Variants in CNN3 observed in about 807,000 individuals in gnomAD.
CNN3 encodes the protein calponin 3, also known as calponin-3.
Under a neutral mutation model 39.0 loss-of-function variants are expected in CNN3, and 11 were observed. The ratio of observed to expected loss-of-function variants is 0.28; its 90% confidence interval spans 0.18 to 0.47. The LOEUF is 0.47. Ranked by LOEUF, CNN3 falls within the 20% of genes least tolerant of loss-of-function variation. CNN3 has a pLI of 0.99. For synonymous variants in CNN3, 101 were observed against 138.3 expected (o/e 0.73, Z 1.89); for missense variants, 266 against 403.4 (o/e 0.66, Z 2.92).
At chr1:94,921,391 T>C (rs959081306) in intron 1 of CNN3, among the ~76,000 whole-genome samples, 2 of 151,916 alleles carry the variant, frequency 1.3e-5, no homozygotes, top group African/African-American at 4.8e-5. Flanking sequence ...GGAGACTCCA[T>C]CTCAAAAAAA....
rs536432434 is a variant in CNN3 at position 94,916,278 on chromosome 1, C to T, written c.57+10560G>A. On this transcript the variant is annotated intron_variant, in intron 1 of 6. Coordinates refer to ENST00000370206, the MANE Select transcript of CNN3 (RefSeq NM_001839.5). ...AAAATTAGCCAGGCATGGTGGTGCA[C>T]ACCTGTAGTCCCAGCTACTCGGGAG... is the stretch of plus-strand genomic sequence containing the variant. 2.0e-5 allele frequency among the ~76,000 whole-genome samples: 3 copies of T among 152,170 alleles called. No homozygotes were observed. In the East Asian group the frequency reaches 5.8e-4, roughly 29 times the overall value.
chr1:94,910,035 G>A (rs1235140654), intron 1 of CNN3, among the ~76,000 whole-genome samples: 1 of 152,122 alleles, frequency 6.6e-6, no homozygotes, highest in Non-Finnish European at 1.5e-5. Flanking sequence ...CACAGAGCTT[G>A]TTCAAACCTG....
chr1:94,915,281 C>A (rs979798700), intron 1 of CNN3, among the ~76,000 whole-genome samples: 2 of 152,162 alleles, frequency 1.3e-5, no homozygotes, highest in African/African-American at 4.8e-5. Flanking sequence ...CCAAATCCTA[C>A]ACAAATGCCA....
chr1:94,916,701 G>A (rs1671285135), intron 1 of CNN3, among the ~76,000 whole-genome samples: 1 of 152,148 alleles, frequency 6.6e-6, no homozygotes, highest in African/African-American at 2.4e-5. Flanking sequence ...CAAGGGCTCT[G>A]GAAACTGAAT....
chr1:94,923,007 C>T (rs909337175), intron 1 of CNN3, among the ~76,000 whole-genome samples: 2 of 152,058 alleles, frequency 1.3e-5, no homozygotes, highest in Admixed American at 6.6e-5. Flanking sequence ...AAAAACATAC[C>T]GAGGTAAGAT....
In CNN3 at chr1:94,903,467, C is replaced by T; in HGVS notation, c.115G>A (p.Val39Met). Residue 39 changes from valine to methionine, a missense_variant, in exon 2 of 7, where the codon GTG (valine) becomes ATG (methionine). Physicochemically the swap from Val to Met is conservative, Grantham distance 21. Coordinates refer to ENST00000370206, the MANE Select transcript of CNN3 (RefSeq NM_001839.5). The part of the protein sequence containing the change: ...EEDLRNWIEE[V>M]TGMSIGPNFQ... The stretch of plus-strand genomic sequence containing the variant: ...TTGGGGCCAATGCTCATGCCTGTCA[C>T]CTCTTCTATCCAATTGCGAAGATCT... The T allele has an allele frequency of 6.2e-7, 1 of 1,613,372 alleles. No homozygotes were observed. The highest frequency in any genetic ancestry group is 8.5e-7 in the Non-Finnish European group (1 of 1,179,718).
intron 1 of CNN3, among the ~76,000 whole-genome samples, chr1:94,909,143 T>C (rs4847367): frequency 0.24 from 36,266 of 152,058 alleles, 4,569 homozygotes; most frequent in Middle Eastern, 0.26. Flanking sequence ...TGAGACTCTG[T>C]CTTTAAAACA....
chr1:94,901,692 C>T lies in CNN3; in HGVS notation c.478G>A (p.Gly160Ser). 1 of 1,613,744 alleles carries T rather than the reference C, an allele frequency of 6.2e-7. No individual in the cohort carries two copies. The part of the protein sequence containing the change: ...RRFDEGKLKA[G>S]QSVIGLQMGT... The stretch of plus-strand genomic sequence containing the variant: ...ACCTGCAGACCAATTACACTTTGGC[C>T]AGCTTTTAATTTTCCTTCATCAAAA... The change falls in exon 5 of 7, where the codon GGC (glycine) becomes AGC (serine). Residue 160 changes from glycine to serine, a missense_variant. Transcript: ENST00000370206.
chr1:94,901,297 T>G (rs892507278), intron 5 of CNN3, among the ~76,000 whole-genome samples: 6 of 149,646 alleles, frequency 4.0e-5, no homozygotes, highest in Admixed American at 6.7e-5. Flanking sequence ...GAGGTTACAG[T>G]GAGCCGAGAT....
intron 1 of CNN3, among the ~76,000 whole-genome samples, chr1:94,921,402 T>TA (rs1671439754): frequency 6.6e-6 from 1 of 151,766 alleles, no homozygotes; most frequent in Non-Finnish European, 1.5e-5. Context: ...CTCAAAAAAA[T>TA]AAAAAAGAGA....
At chr1:94,899,266 G>T (rs532334319) in intron 6 of CNN3, 105 bp downstream of exon 6, 2 of 1,206,888 alleles carry the variant, frequency 1.7e-6, no homozygotes, top group South Asian at 1.9e-5. Flanking sequence ...ATTCCTGAAG[G>T]AATATACTCT....
chr1:94,922,522 A>AT (rs2101742890), intron 1 of CNN3, among the ~76,000 whole-genome samples: 1 of 152,374 alleles, frequency 6.6e-6, no homozygotes, highest in African/African-American at 2.4e-5. Context: ...GAGACAGATA[A>AT]TAAGCAAACA....
At chr1:94,918,948 A>T (rs1671364120) in intron 1 of CNN3, among the ~76,000 whole-genome samples, 1 of 151,976 alleles carries the variant, frequency 6.6e-6, no homozygotes, top group African/African-American at 2.4e-5. Flanking sequence ...GACTAAAAAC[A>T]CTTTAACTCT....
intron 1 of CNN3, among the ~76,000 whole-genome samples, chr1:94,912,491 G>A (rs944209833): frequency 6.6e-6 from 1 of 152,138 alleles, no homozygotes; most frequent in African/African-American, 2.4e-5. Flanking sequence ...CTCTTGGGGA[G>A]AGAGTGTGCA....
chr1:94,919,091 G>A (rs947708413), intron 1 of CNN3, among the ~76,000 whole-genome samples: 5 of 152,144 alleles, frequency 3.3e-5, no homozygotes, highest in East Asian at 1.9e-4. Flanking sequence ...AATAAACCTT[G>A]AAATGAAAAT....
At chr1:94,925,760 G>A in intron 1 of CNN3, 1 of 985,444 alleles carries the variant, frequency 1.0e-6, no homozygotes, top group South Asian at 4.7e-5. Context: ...TGGGCTCCCG[G>A]GAGGTTAATG....
chr1:94,906,521 A>C (rs950768330), intron 1 of CNN3, among the ~76,000 whole-genome samples: 10 of 152,188 alleles, frequency 6.6e-5, no homozygotes, highest in Non-Finnish European at 1.2e-4. Flanking sequence ...TATTTTGATC[A>C]ATCTGAAGAA....
In CNN3 at chr1:94,898,019, A is replaced by G. The variant is rs1457371618; in HGVS notation, c.713T>C (p.Val238Ala). The change falls in exon 7 of 7, where the codon GTG becomes GCG. Residue 238 changes from valine to alanine, a missense_variant. By Grantham distance (64) the Val-to-Ala change is moderately conservative. Transcript: ENST00000370206. ...IYDQKLTLQPVDNSTISLQMG... is the reference protein window; with the variant it reads ...IYDQKLTLQPADNSTISLQMG... Reference sequence around the variant, plus strand: ...CTGTAGGGAAATTGTCGAGTTGTCCACCGGCTGTAATGTTAGCTTCTGATC... The same window carrying G: ...CTGTAGGGAAATTGTCGAGTTGTCCGCCGGCTGTAATGTTAGCTTCTGATC... The G allele has an allele frequency of 1.2e-6, 2 of 1,613,930 alleles. No homozygotes were observed. The highest frequency in any genetic ancestry group is 1.7e-6 in the Non-Finnish European group (2 of 1,179,980).
At position 94,927,106 on chromosome 1, in the gene CNN3, C is replaced by G. The variant is rs965564745; in HGVS notation, c.-212G>C. On this transcript the variant is annotated 5_prime_UTR_variant, in exon 1 of 7. Coordinates refer to ENST00000370206, the MANE Select transcript of CNN3 (RefSeq NM_001839.5). ...GCCTCGAGCTCCGCTGCGAAGCACCCGGCTGCCTCGCTCGCCGCCCGCACC... is the reference window on the plus strand; with the variant it reads ...GCCTCGAGCTCCGCTGCGAAGCACCGGGCTGCCTCGCTCGCCGCCCGCACC... 6.3e-6 allele frequency: 3 copies of G among 477,264 alleles called. No individual in the cohort carries two copies. The highest frequency in any genetic ancestry group is 2.0e-5 in the African/African-American group (1 of 48,782). 29.6% of individuals were successfully genotyped at this position (477,264 alleles called of 1,614,324 possible).
Sources: allele counts gnomAD v4.1 joint callset (sites outside exome capture counted in the v4.1 genomes callset), GRCh38; gene constraint gnomAD v4.1.1; transcripts MANE v1.5; gene names NCBI Gene and HGNC (gene_info 2026-07-23, HGNC 2026-07-21).